CNTN5: variants seen among roughly 807,000 people sequenced by gnomAD.
CNTN5 encodes contactin 5, also known as contactin-5.
A neutral mutation model predicts 129.1 loss-of-function variants in CNTN5; 77 were observed. The observed-to-expected ratio is 0.60, with a 90% CI of 0.50 to 0.72. The LOEUF (loss-of-function observed/expected upper bound fraction) is 0.72, where lower values mean the gene tolerates loss of function less well. Among genes scored for constraint, CNTN5 ranks in the 30% least tolerant of loss-of-function variants. CNTN5 has a pLI of 0.00. For synonymous variants in CNTN5, 509 were observed against 465.6 expected, an observed-to-expected ratio of 1.09 and a Z score of -1.20; for missense variants, 1,478 against 1,328.8, an observed-to-expected ratio of 1.11 and a Z score of -1.75.
chr11:100,331,143 T>C (rs11824218), intron 21 of CNTN5, among the ~76,000 whole-genome samples: 1,599 of 152,216 alleles, frequency 0.011, 23 homozygotes, highest in African/African-American at 0.037. Context: ...GAAAAAGATA[T>C]TCAATGCAAA....
At chr11:99,725,350 C>T (rs567200523) in intron 3 of CNTN5, among the ~76,000 whole-genome samples, 2 of 151,810 alleles carry the variant, frequency 1.3e-5, no homozygotes, top group South Asian at 2.1e-4. Flanking sequence ...TGATAGAGAG[C>T]GATTTTCAAA....
chr11:99,721,268 T>A (rs545528244), intron 3 of CNTN5, among the ~76,000 whole-genome samples: 1 of 152,090 alleles, frequency 6.6e-6, no homozygotes, highest in African/African-American at 2.4e-5. Flanking sequence ...CAAAACAACA[T>A]GGTAGTGGTG....
chr11:99,973,461 GAGCCTATTTTCCT>G (rs1165811858), intron 8 of CNTN5, among the ~76,000 whole-genome samples: 7 of 152,250 alleles, frequency 4.6e-5, no homozygotes, highest in Admixed American at 2.0e-4. Context: ...GTTAATAAGA[GAGCCTATTTTCCT>G]ATGGTTTTCA....
At chr11:99,853,285 A>G (rs1224325651) in intron 6 of CNTN5, among the ~76,000 whole-genome samples, 9 of 152,194 alleles carry the variant, frequency 5.9e-5, no homozygotes, top group Non-Finnish European at 1.0e-4. Context: ...ACGAATAGAT[A>G]GACGGATAAT....
At chr11:99,858,615 A>G (rs1948112864) in intron 6 of CNTN5, among the ~76,000 whole-genome samples, 1 of 310 alleles carries the variant, frequency 3.2e-3, no homozygotes, top group African/African-American at 0.011. Context: ...ACCTTTAGAA[A>G]GATTCTGTGG....
In CNTN5 at chr11:99,868,352, A is replaced by G. The variant is rs79125555; in HGVS notation, c.577+23090A>G. Among the ~76,000 whole-genome samples the G allele has an allele frequency of 7.5e-3, 1,141 of 152,316 alleles. 59 individuals are homozygous for G. In the East Asian group the frequency reaches 0.12, roughly 16 times the overall value. ...CCAACATTTGTTGAAAATTTGTTGT[A>G]TGCCAGTTACTGTGCTTATTGCTTT... On this transcript the variant is annotated intron_variant, in intron 6 of 24. Coordinates refer to ENST00000524871, the MANE Select transcript of CNTN5 (RefSeq NM_014361.4).
chr11:99,936,082 T>C (rs946528308), intron 7 of CNTN5, among the ~76,000 whole-genome samples: 9 of 152,166 alleles, frequency 5.9e-5, no homozygotes, highest in African/African-American at 1.4e-4. Context: ...AGAAAGACAC[T>C]TTGCAAAGCA....
chr11:99,781,359 G>A (rs979933750), intron 3 of CNTN5, among the ~76,000 whole-genome samples: 2 of 151,994 alleles, frequency 1.3e-5, no homozygotes, highest in African/African-American at 4.8e-5. Flanking sequence ...CTTGGCATAT[G>A]TGACTCAATG....
At chr11:100,279,318 C>T (rs1387724706) in intron 18 of CNTN5, among the ~76,000 whole-genome samples, 1 of 151,466 alleles carries the variant, frequency 6.6e-6, no homozygotes, top group Non-Finnish European at 1.5e-5. Flanking sequence ...ATAATACTGG[C>T]CTCATAGAAT....
intron 7 of CNTN5, among the ~76,000 whole-genome samples, chr11:99,945,624 C>T (rs890013265): frequency 3.3e-5 from 5 of 151,830 alleles, no homozygotes; most frequent in African/African-American, 1.2e-4. Flanking sequence ...ATCCTACCCG[C>T]TCAGTGTTAT....
intron 8 of CNTN5, among the ~76,000 whole-genome samples, chr11:99,985,538 C>T (rs1453127039): frequency 2.0e-5 from 3 of 151,970 alleles, no homozygotes; most frequent in Admixed American, 1.3e-4. Flanking sequence ...GGTAAGAAGG[C>T]GTTTTTCAGA....
intron 2 of CNTN5, among the ~76,000 whole-genome samples, chr11:99,450,083 G>T (rs1944237109): frequency 6.6e-6 from 1 of 151,968 alleles, no homozygotes; most frequent in Admixed American, 6.6e-5. Flanking sequence ...TATTAGGCCA[G>T]TTACAAAGGC....
At chr11:99,869,615 A>G (rs762932712) in intron 6 of CNTN5, among the ~76,000 whole-genome samples, 18 of 152,168 alleles carry the variant, frequency 1.2e-4, no homozygotes, top group Non-Finnish European at 2.2e-4. Flanking sequence ...TAGCAGAAAC[A>G]TACTCATTTC....
intron 1 of CNTN5, among the ~76,000 whole-genome samples, chr11:99,138,199 A>G (rs1198716178): frequency 6.6e-6 from 1 of 152,172 alleles, no homozygotes. Context: ...ACATACCACA[A>G]TCCAACATGA....
At chr11:99,131,837 A>C (rs1858954729) in intron 1 of CNTN5, among the ~76,000 whole-genome samples, 1 of 152,220 alleles carries the variant, frequency 6.6e-6, no homozygotes, top group African/African-American at 2.4e-5. Flanking sequence ...AGGAGCTGGT[A>C]CCATTTCTTC....
chr11:99,392,685 A>T (rs1457157773), intron 2 of CNTN5, among the ~76,000 whole-genome samples: 1 of 151,914 alleles, frequency 6.6e-6, no homozygotes, highest in Non-Finnish European at 1.5e-5. Flanking sequence ...CCACCTAAAA[A>T]TTATCTTTGT....
rs560100927 is a variant in CNTN5, at chr11:99,842,280, TG to T, written c.278-2571del. The stretch of plus-strand genomic sequence containing the variant: ...AGGACTGATTATTGCCAATGGTGAT[TG>T]TGAGTGTTTCGTGATATTATGCATG... On this transcript the variant is annotated intron_variant, in intron 4 of 24. Transcript: ENST00000524871. Among the ~76,000 whole-genome samples, 314 of 152,294 alleles carry T rather than the reference TG, an allele frequency of 2.1e-3. 1 individual carries two copies. The highest frequency in any genetic ancestry group is 3.4e-3 in the Non-Finnish European group (232 of 68,028).
chr11:99,811,556 A>G (rs1449812549), intron 3 of CNTN5, among the ~76,000 whole-genome samples: 1 of 150,970 alleles, frequency 6.6e-6, no homozygotes, highest in Admixed American at 6.6e-5. Flanking sequence ...GATCTCTAAA[A>G]TGACCTTTTA....
At chr11:100,032,143 T>C (rs1941746048) in intron 9 of CNTN5, among the ~76,000 whole-genome samples, 1 of 152,192 alleles carries the variant, frequency 6.6e-6, no homozygotes, top group African/African-American at 2.4e-5. Flanking sequence ...AGGTGAGAGA[T>C]ATAACTTTAC....
Sources: allele counts gnomAD v4.1 joint callset (sites outside exome capture counted in the v4.1 genomes callset), GRCh38; gene constraint gnomAD v4.1.1; transcripts MANE v1.5; gene names NCBI Gene and HGNC (gene_info 2026-07-23, HGNC 2026-07-21).